The following DUSP26 variants were observed in gnomAD, a reference collection of about 807,000 sequenced individuals.
The protein encoded by DUSP26 is dual specificity phosphatase 26, also known as dual specificity protein phosphatase 26.
In DUSP26, 12 loss-of-function variants were observed where a neutral mutation model predicts 20.0. That is an observed-to-expected ratio of 0.60 (90% CI 0.38 to 0.97). The LOEUF (loss-of-function observed/expected upper bound fraction) is 0.97. DUSP26 is among the 50% of genes least tolerant of loss of function. The pLI is 0.00. For missense variants in DUSP26, 230 were observed against 294.0 expected, an observed-to-expected ratio of 0.78 and a Z score of 1.59; for synonymous variants, 120 against 118.8, an observed-to-expected ratio of 1.01 and a Z score of -0.06.
chr8:33,592,311 C>A, intron 3 of DUSP26, 99 bp from the exon 4 acceptor site: 1 of 1,229,430 alleles, frequency 8.1e-7, no homozygotes, highest in East Asian at 2.7e-5. Context: ...TGGCTCACGG[C>A]GGTAATTCCA....
chr8:33,595,540 C>G (rs1811123042), intron 2 of DUSP26, among the ~76,000 whole-genome samples: 1 of 151,930 alleles, frequency 6.6e-6, no homozygotes, highest in African/African-American at 2.4e-5. Flanking sequence ...ACCACCATGC[C>G]AGGCTAATAT....
At chr8:33,592,236 G>A (rs991661947) in intron 3 of DUSP26, 24 bp from the exon 4 acceptor site, 4 of 1,568,002 alleles carry the variant, frequency 2.6e-6, no homozygotes, top group African/African-American at 1.4e-5. Context: ...CACAGAGAGA[G>A]CTTTGAGACT....
At chr8:33,595,831 A>G (rs1026458954) in intron 2 of DUSP26, among the ~76,000 whole-genome samples, 17 of 152,132 alleles carry the variant, frequency 1.1e-4, no homozygotes, top group Non-Finnish European at 2.4e-4. Flanking sequence ...AAGAGCACTG[A>G]ACTTGAGCCT....
At chr8:33,595,037 C>T (rs1455537940) in intron 2 of DUSP26, among the ~76,000 whole-genome samples, 1 of 152,004 alleles carries the variant, frequency 6.6e-6, no homozygotes, top group African/African-American at 2.4e-5. Context: ...ATTTCAATTT[C>T]ATACAAGGAA....
rs1473470277 is a variant in DUSP26, at chr8:33,599,819, G to C, written c.-231C>G. 6.6e-6 allele frequency: 1 copy of C among 152,258 alleles called. No individual in the cohort carries two copies. Among genetic ancestry groups the C allele is most frequent in the Admixed American group, 6.5e-5 (1 of 15,288 alleles). The allele number at this position is 152,258 out of a possible 1,614,324, so 9.4% of individuals were successfully genotyped here. A position where few individuals can be genotyped will look rare whatever the true frequency, so the allele number is the denominator to read the frequency against. On this transcript the variant is annotated 5_prime_UTR_variant, in exon 1 of 4. Transcript: ENST00000256261. ...GCTATTTTTAAGCCATGACACACACGTCGAAGCAGGGTTCAAATCAGCGTG... is the reference window on the plus strand; with the variant it reads ...GCTATTTTTAAGCCATGACACACACCTCGAAGCAGGGTTCAAATCAGCGTG...
At chr8:33,599,357 T>C (rs144418231) in intron 1 of DUSP26, among the ~76,000 whole-genome samples, 1 of 152,326 alleles carries the variant, frequency 6.6e-6, no homozygotes, top group Non-Finnish European at 1.5e-5. Flanking sequence ...GAAGCCCCTT[T>C]CTGTCCAGGG....
chr8:33,591,827 C>G lies in DUSP26; in HGVS notation c.*186G>C, dbSNP rs999572115. Reference sequence around the variant, plus strand: ...ACCCTTCCTGGGTGCCCATCCACCACACTGCCCAACCTCACTCCCCGTCCC... The same window carrying G: ...ACCCTTCCTGGGTGCCCATCCACCAGACTGCCCAACCTCACTCCCCGTCCC... On this transcript the variant is annotated 3_prime_UTR_variant, in exon 4 of 4. Coordinates refer to ENST00000256261, the MANE Select transcript of DUSP26 (RefSeq NM_024025.3). 4.5e-6 allele frequency: 3 copies of G among 670,696 alleles called. No individual in the cohort carries two copies. The African/African-American group carries it at 5.5e-5, about 12-fold the overall frequency. The allele number at this position is 670,696 out of a possible 1,614,324, so 41.5% of individuals were successfully genotyped here.
chr8:33,592,228 C>CAGAG lies in DUSP26; in HGVS notation c.437-20_437-17dup, dbSNP rs148034549. On this transcript the variant is annotated splice_polypyrimidine_tract_variant and intron_variant, in intron 3 of 3. Coordinates refer to ENST00000256261, the MANE Select transcript of DUSP26 (RefSeq NM_024025.3). ...AGGATCTTCCCTGAGAGGAGAGACACAGAGAGAGCTTTGAGACTGCTTGTG... is the reference window on the plus strand; with the variant it reads ...AGGATCTTCCCTGAGAGGAGAGACACAGAGAGAGAGAGCTTTGAGACTGCTTGTG... The CAGAG allele has an allele frequency of 0.033, 51,472 of 1,581,704 alleles. 1,210 individuals carry two copies. The highest frequency in any genetic ancestry group is 0.11 in the East Asian group (4,847 of 43,452).
intron 1 of DUSP26, chr8:33,597,792 G>A (rs1201177336): frequency 8.2e-6 from 3 of 364,946 alleles, no homozygotes; most frequent in African/African-American, 6.2e-5. Flanking sequence ...AAACGAGGTG[G>A]GAGAGTCACA....
At chr8:33,597,728 C>T (rs1419103190) in intron 1 of DUSP26, 137 bp from the exon 2 acceptor site, 1 of 501,642 alleles carries the variant, frequency 2.0e-6, no homozygotes, top group Admixed American at 3.6e-5. Context: ...TCAGGGGTGG[C>T]TTTTTCTTCA....
At chr8:33,593,816 C>A (rs1306842049) in intron 2 of DUSP26, 69 bp from the exon 3 acceptor site, 2 of 1,545,530 alleles carry the variant, frequency 1.3e-6, no homozygotes, top group African/African-American at 1.4e-5. Flanking sequence ...CTTGTCTACA[C>A]CCTGTTAACT....
At chr8:33,597,882 T>C (rs9642705) in intron 1 of DUSP26, 112 of 152,880 alleles carry the variant, frequency 7.3e-4, no homozygotes, top group South Asian at 2.3e-3. Flanking sequence ...CCAGCACGCA[T>C]ACACACACAC....
chr8:33,595,997 T>C (rs2012285), intron 2 of DUSP26, among the ~76,000 whole-genome samples: 3,468 of 152,196 alleles, frequency 0.023, 147 homozygotes, highest in African/African-American at 0.078. Context: ...AAAAAAATCC[T>C]TGTAGGCCAG....
intron 3 of DUSP26, 103 bp downstream of exon 3, chr8:33,593,416 TAACAAGATCCTGAG>T: frequency 8.5e-7 from 1 of 1,179,974 alleles, no homozygotes; most frequent in African/African-American, 1.5e-5. Flanking sequence ...TTTTCTTTCT[TAACAAGATCCTGAG>T]CATTTTGTCA....
Position 33,591,910 on chromosome 8 carries a change from T to G in DUSP26, c.*103A>C. Reference sequence around the variant, plus strand: ...GGCCTCTCCTGACCCCAGGGGAGGATGGGTGATCTGGGCCTCCTGCTACCT... The same window carrying G: ...GGCCTCTCCTGACCCCAGGGGAGGAGGGGTGATCTGGGCCTCCTGCTACCT... On this transcript the variant is annotated 3_prime_UTR_variant, in exon 4 of 4. Coordinates refer to ENST00000256261, the MANE Select transcript of DUSP26 (RefSeq NM_024025.3). 1 of 1,349,170 alleles carries G rather than the reference T, an allele frequency of 7.4e-7. No individual in the cohort carries two copies. Among genetic ancestry groups the G allele is most frequent in the Non-Finnish European group, 1.0e-6 (1 of 977,340 alleles). The allele number at this position is 1,349,170 out of a possible 1,614,324, so 83.6% of individuals were successfully genotyped here. A position where few individuals can be genotyped will look rare whatever the true frequency, so the allele number is the denominator to read the frequency against.
rs761936757 is a variant in DUSP26 at position 33,592,046 on chromosome 8, C to T, written c.603G>A (p.Leu201=). 3 of 1,613,980 alleles carry T rather than the reference C, an allele frequency of 1.9e-6. No homozygotes were observed. Among genetic ancestry groups the T allele is most frequent in the Non-Finnish European group, 2.5e-6 (3 of 1,180,002 alleles). Residue 201 remains leucine, a synonymous_variant, in exon 4 of 4, where the codon CTG becomes CTA. Coordinates refer to ENST00000256261, the MANE Select transcript of DUSP26 (RefSeq NM_024025.3). Reference sequence around the variant, plus strand: ...CCAGACCCTGCCGCAGCCTGCGGTCCAGGGCCAGGAGCTGCCTCAGGAAGC... The same window carrying T: ...CCAGACCCTGCCGCAGCCTGCGGTCTAGGGCCAGGAGCTGCCTCAGGAAGC... The part of the protein sequence containing the change: ...NRGFLRQLLA[L]DRRLRQGLEA
Position 33,592,162 on chromosome 8 carries a change from C to A in DUSP26, c.487G>T (p.Val163Leu). Reference protein sequence around the residue: ...AVGVSRSATLVLAYLMLYHHL... With the variant: ...AVGVSRSATLLLAYLMLYHHL... ...TGGTACAGCATGAGGTAGGCCAGTA[C>A]CAGGGTGGCGGATCGGCTCACGCCC... The change falls in exon 4 of 4, where the codon GTA (valine) becomes TTA (leucine). Residue 163 changes from valine to leucine, a missense_variant. Coordinates refer to ENST00000256261, the MANE Select transcript of DUSP26 (RefSeq NM_024025.3). 1 of 1,613,912 alleles carries A rather than the reference C, an allele frequency of 6.2e-7. No homozygotes were observed. Among genetic ancestry groups the A allele is most frequent in the Non-Finnish European group, 8.5e-7 (1 of 1,179,950 alleles).
rs1350381287 is a variant in DUSP26, at chr8:33,591,446, GC to G, written c.*566del. ...TTTTTGGCCCAAGCAGCAGCCGTGGGCCTAGTGCCAACCCTCACACGCTAGC... is the reference window on the plus strand; with the variant it reads ...TTTTTGGCCCAAGCAGCAGCCGTGGGCTAGTGCCAACCCTCACACGCTAGC... On this transcript the variant is annotated 3_prime_UTR_variant, in exon 4 of 4. Coordinates refer to ENST00000256261, the MANE Select transcript of DUSP26 (RefSeq NM_024025.3). 1 of 153,110 alleles carries G rather than the reference GC, an allele frequency of 6.5e-6. No homozygotes were observed. Among genetic ancestry groups the G allele is most frequent in the African/African-American group, 2.4e-5 (1 of 41,454 alleles). 9.5% of individuals were successfully genotyped at this position (153,110 alleles called of 1,614,324 possible).
chr8:33,596,549 T>A (rs768464159), intron 2 of DUSP26, among the ~76,000 whole-genome samples: 8 of 152,068 alleles, frequency 5.3e-5, no homozygotes. Context: ...GCCACTGCAC[T>A]CCAGCCTGGG....
Sources: gnomAD v4.1 joint callset for allele counts (sites outside exome capture counted in the v4.1 genomes callset) on GRCh38, gnomAD v4.1.1 for gene constraint, MANE v1.5 for transcripts, NCBI Gene and HGNC (gene_info 2026-07-23, HGNC 2026-07-21) for gene names.